SAFB: variants seen among roughly 807,000 people sequenced by gnomAD.
SAFB encodes the protein scaffold attachment factor B.
A neutral mutation model predicts 101.6 loss-of-function variants in SAFB; 15 were observed. That is an observed-to-expected ratio of 0.15 (90% confidence interval 0.10 to 0.23). SAFB has a LOEUF of 0.23. SAFB is among the 10% of genes least tolerant of loss of function. The pLI, the probability that SAFB is intolerant of heterozygous loss-of-function variation, is 1.00. For missense variants in SAFB, 930 were observed against 1,104.1 expected, an observed-to-expected ratio of 0.84 and a Z score of 2.23; for synonymous variants, 449 against 407.5, an observed-to-expected ratio of 1.10 and a Z score of -1.23.
At chr19:5,632,596 T>C (rs572277422) in intron 2 of SAFB, among the ~76,000 whole-genome samples, 1 of 152,234 alleles carries the variant, frequency 6.6e-6, no homozygotes. Flanking sequence ...TCATGTTTCC[T>C]TAGTTTTCTT....
chr19:5,642,651 C>CTTTTTTTTT lies in SAFB; in HGVS notation c.546+723_546+731dup, dbSNP rs767488519. On this transcript the variant is annotated intron_variant, in intron 4 of 20. Coordinates refer to ENST00000588852, the MANE Select transcript of SAFB (RefSeq NM_001201338.2). ...GGCATTGGCATTATGCCCTTCCTTT[C>CTTTTTTTTT]TTTTTTTTTTTTTTTTTTTTTTTTT... Among the ~76,000 whole-genome samples, 342 of 70,852 alleles carry CTTTTTTTTT rather than the reference C, an allele frequency of 4.8e-3. 60 individuals carry two copies. Among genetic ancestry groups the CTTTTTTTTT allele is most frequent in the East Asian group, 0.026 (44 of 1,710 alleles). The allele number at this position is 70,852 out of a possible 152,430, so 46.5% of individuals were successfully genotyped here.
chr19:5,665,389 C>T (rs1181987721), intron 17 of SAFB: 4 of 152,230 alleles, frequency 2.6e-5, no homozygotes, highest in African/African-American at 9.6e-5. Flanking sequence ...CCTGCTGAGC[C>T]TGTCTCCCCA....
chr19:5,649,767 C>G (rs1406154837), intron 7 of SAFB, 159 bp from the exon 8 acceptor site: 1 of 822,788 alleles, frequency 1.2e-6, no homozygotes, highest in African/African-American at 1.7e-5. Context: ...GGTCTGAAAT[C>G]TTATGGTTAG....
intron 17 of SAFB, chr19:5,666,086 G>C (rs1350628768): frequency 1.3e-5 from 2 of 152,140 alleles, no homozygotes; most frequent in African/African-American, 4.8e-5. Flanking sequence ...TCCTTACCAG[G>C]ACTCCTTTCT....
intron 10 of SAFB, 31 bp downstream of exon 10, chr19:5,653,295 C>T (rs936293523): frequency 6.2e-7 from 1 of 1,613,842 alleles, no homozygotes; most frequent in African/African-American, 1.3e-5. Context: ...CAGGATATAG[C>T]CCACATTAGG....
At chr19:5,642,651 C>CTT (rs767488519) in intron 4 of SAFB, among the ~76,000 whole-genome samples, 12,046 of 70,750 alleles carry the variant, frequency 0.17, 3,004 homozygotes, top group Non-Finnish European at 0.2. Flanking sequence ...CCCTTCCTTT[C>CTT]TTTTTTTTTT....
At chr19:5,623,519 C>A in intron 1 of SAFB, 125 bp downstream of exon 1, 1 of 751,240 alleles carries the variant, frequency 1.3e-6, no homozygotes, top group Non-Finnish European at 2.1e-6. Context: ...CTGGCGCTCT[C>A]GCGTCCCCCG....
At chr19:5,624,263 T>C (rs80233836) in intron 1 of SAFB, among the ~76,000 whole-genome samples, 444 of 149,428 alleles carry the variant, frequency 3.0e-3, no homozygotes, top group Non-Finnish European at 4.8e-3. Context: ...AAAAAAGCAA[T>C]AGGACTTTGA....
At position 5,661,627 on chromosome 19, in the gene SAFB, C is replaced by T. The variant is rs768127508; in HGVS notation, c.1972C>T (p.Arg658Trp). 4 of 1,612,376 alleles carry T rather than the reference C, an allele frequency of 2.5e-6. No homozygotes were observed. The South Asian group carries it at 3.3e-5, about 13-fold the overall frequency. Residue 658 changes from arginine to tryptophan, a missense_variant, in exon 15 of 21, where the codon CGG becomes TGG. Physicochemically the swap from Arg to Trp is moderately radical, Grantham distance 101. This residue lies in a region of SAFB where 159 missense variants were observed against 234.1 expected (regional missense o/e 0.68). Coordinates refer to ENST00000588852, the MANE Select transcript of SAFB (RefSeq NM_001201338.2). ...ARERLAFQRQ[R>W]LERERMERER... ...AGAGAGGCTGGCCTTCCAGCGCCAG[C>T]GGCTGGAGCGGGAGCGCATGGAGCG...
chr19:5,667,508 G>A lies in SAFB; in HGVS notation c.2557+58G>A. ...TGCTGGGGAGTGATGGAAAGATGGA[G>A]GCCGCGCCTTCTCTCCTTGGGGGAG... On this transcript the variant is annotated intron_variant, in intron 19 of 20. Coordinates refer to ENST00000588852, the MANE Select transcript of SAFB (RefSeq NM_001201338.2). The surrounding 1 kb of genome is among the most constrained non-coding windows in gnomAD (Gnocchi z 4.0). 1.6e-6 allele frequency: 2 copies of A among 1,227,834 alleles called. No homozygotes were observed. Among genetic ancestry groups the A allele is most frequent in the Non-Finnish European group, 1.1e-6 (1 of 877,438 alleles). 76.1% of individuals were successfully genotyped at this position (1,227,834 alleles called of 1,614,324 possible). A position where few individuals can be genotyped will look rare whatever the true frequency, so the allele number is the denominator to read the frequency against.
chr19:5,661,975 C>T (rs1005196637), intron 15 of SAFB, among the ~76,000 whole-genome samples, 167 bp downstream of exon 15: 13 of 151,928 alleles, frequency 8.6e-5, no homozygotes, highest in African/African-American at 1.9e-4. Context: ...AGCTCTGCCT[C>T]CCGGGTTCAC....
chr19:5,645,343 G>A lies in SAFB; in HGVS notation c.553G>A (p.Asp185Asn). The A allele has an allele frequency of 7.9e-7, 1 of 1,269,574 alleles. No individual in the cohort carries two copies. The highest frequency in any genetic ancestry group is 1.2e-6 in the Non-Finnish European group (1 of 867,442). The allele number at this position is 1,269,574 out of a possible 1,614,324, so 78.6% of individuals were successfully genotyped here. Reference protein sequence around the residue: ...PEQLQEHAIEDKETINNLDTS... With the variant: ...PEQLQEHAIENKETINNLDTS... ...TTCTCCATTTATTTTACAGATAGAG[G>A]ACAAAGAAACTATAAACAATTTAGA... is the stretch of plus-strand genomic sequence containing the variant. The change falls in exon 5 of 21, where the codon GAC becomes AAC. Residue 185 changes from aspartate (D) to asparagine (N), a missense_variant. Around this residue, in one of 7 missense-constraint regions of SAFB, gnomAD observed 130 missense variants for 114.2 expected, o/e 1.14. Transcript: ENST00000588852.
In SAFB at chr19:5,654,109, T is replaced by C. The variant is rs1300751963; in HGVS notation, c.1575T>C (p.Ala525=). 2 of 1,614,086 alleles carry C rather than the reference T, an allele frequency of 1.2e-6. No individual in the cohort carries two copies. The highest frequency in any genetic ancestry group is 3.3e-4 in the Middle Eastern group (2 of 6,062). Residue 525 remains alanine (A), a synonymous_variant, in exon 12 of 21, where the codon GCT becomes GCC. Transcript: ENST00000588852. ...ATAAATGTGACAGAAAAGATGATGC[T>C]AAGAAGGGTGACGACGGAAGTGGAG... is the stretch of plus-strand genomic sequence containing the variant. ...RDDKCDRKDD[A]KKGDDGSGEK...
At chr19:5,631,714 A>G (rs2053493896) in intron 2 of SAFB, among the ~76,000 whole-genome samples, 1 of 152,202 alleles carries the variant, frequency 6.6e-6, no homozygotes, top group South Asian at 2.1e-4. Context: ...GTCACATTCC[A>G]CATGACGTGA....
At chr19:5,660,444 C>CT (rs1419560599) in intron 14 of SAFB, among the ~76,000 whole-genome samples, 3 of 145,746 alleles carry the variant, frequency 2.1e-5, no homozygotes, top group Non-Finnish European at 4.5e-5. Context: ...CCTCTACCTC[C>CT]TGGTTTCAAG....
chr19:5,649,973 A>T lies in SAFB; in HGVS notation c.1196A>T (p.Lys399Met). 1 of 1,613,390 alleles carries T rather than the reference A, an allele frequency of 6.2e-7. No individual in the cohort carries two copies. The highest frequency in any genetic ancestry group is 8.5e-7 in the Non-Finnish European group (1 of 1,179,362). ...SDTKRLSKEE[K>M]GRSSCGRNFW... ...ACAAAAAGGCTTTCCAAAGAGGAAA[A>T]GGGTAGGTCACCTCGGCGACACCAG... Residue 399 changes from lysine (K) to methionine (M), a missense_variant and splice_region_variant, in exon 8 of 21, where the codon AAG (lysine) becomes ATG (methionine). Around this residue, in one of 7 missense-constraint regions of SAFB, gnomAD observed 68 missense variants for 122.1 expected, o/e 0.56. Transcript: ENST00000588852.
At chr19:5,661,868 A>G in intron 15 of SAFB, 60 bp downstream of exon 15, 3 of 1,156,888 alleles carry the variant, frequency 2.6e-6, no homozygotes, top group Non-Finnish European at 3.6e-6. Context: ...GGGACCTCAC[A>G]GTCCAGTTAG....
At chr19:5,625,941 C>T (rs369066506) in intron 1 of SAFB, among the ~76,000 whole-genome samples, 42 of 152,120 alleles carry the variant, frequency 2.8e-4, no homozygotes, top group African/African-American at 8.7e-4. Context: ...ACAGGCACGG[C>T]GTGGAGGGAG....
At chr19:5,648,957 C>T (rs1272826767) in intron 6 of SAFB, 32 bp from the exon 7 acceptor site, 1 of 381,196 alleles carries the variant, frequency 2.6e-6, no homozygotes, top group Admixed American at 3.8e-5. Flanking sequence ...GTAATTAAAC[C>T]TTGTGCCATT....
Sources: allele counts gnomAD v4.1 joint callset (sites outside exome capture counted in the v4.1 genomes callset), GRCh38; gene constraint gnomAD v4.1.1; regional missense constraint gnomAD v4.1.1; non-coding constraint Gnocchi (gnomAD v3.1); transcripts MANE v1.5; gene names NCBI Gene and HGNC (gene_info 2026-07-23, HGNC 2026-07-21).